The following ZNF621 variants were observed in gnomAD, a reference collection of about 807,000 sequenced individuals.
The protein encoded by ZNF621 is zinc finger protein 621.
In ZNF621, 6 loss-of-function variants were observed where a neutral mutation model predicts 12.7. The observed-to-expected ratio is 0.47, with a 90% CI of 0.26 to 0.93. ZNF621 has a LOEUF of 0.93. Ranked by LOEUF, ZNF621 falls within the 40% of genes least tolerant of loss-of-function variation. ZNF621 has a pLI of 0.15. For synonymous variants in ZNF621, 156 were observed against 190.3 expected (o/e 0.82, Z 1.48); for missense variants, 474 against 524.0 (o/e 0.90, Z 0.93).
Position 40,532,655 on chromosome 3 carries a change from G to T in ZNF621, c.885G>T (p.Glu295Asp). Residue 295 changes from glutamate to aspartate, a missense_variant, in exon 5 of 5, where the codon GAG becomes GAT. By Grantham distance (45) the Glu-to-Asp change is conservative. Coordinates refer to ENST00000339296, the MANE Select transcript of ZNF621 (RefSeq NM_198484.5). Reference sequence around the variant, plus strand: ...GGGAGAAACCTTATCAATGTAAGGAGTGTGGCAAAGCCTTCACCCAGAAAA... The same window carrying T: ...GGGAGAAACCTTATCAATGTAAGGATTGTGGCAAAGCCTTCACCCAGAAAA... ...HTGEKPYQCK[E>D]CGKAFTQKIA... 6.2e-7 allele frequency: 1 copy of T among 1,614,194 alleles called. No homozygotes were observed. Among genetic ancestry groups the T allele is most frequent in the Non-Finnish European group, 8.5e-7 (1 of 1,180,038 alleles).
rs1187704323 is a variant in ZNF621, at chr3:40,537,564, C to T, written c.*4474C>T. The stretch of plus-strand genomic sequence containing the variant: ...ACTGCAGTGAGCTATGATTGTGCCA[C>T]TGCACTCTAGCCTGTGTGACAGAAT... On this transcript the variant is annotated 3_prime_UTR_variant, in exon 5 of 5. Transcript: ENST00000339296. 6.6e-6 allele frequency: 1 copy of T among 152,522 alleles called. No individual in the cohort carries two copies. Among genetic ancestry groups the T allele is most frequent in the African/African-American group, 2.4e-5 (1 of 41,460 alleles). 9.4% of individuals were successfully genotyped at this position (152,522 alleles called of 1,614,324 possible).
chr3:40,536,496 C>T lies in ZNF621; in HGVS notation c.*3406C>T, dbSNP rs1182256298. 6.6e-6 allele frequency: 1 copy of T among 152,174 alleles called. No individual in the cohort carries two copies. The highest frequency in any genetic ancestry group is 2.4e-5 in the African/African-American group (1 of 41,444). 9.4% of individuals were successfully genotyped at this position (152,174 alleles called of 1,614,324 possible). ...CATAGAGAGGTAAGCATTAGTGGCA[C>T]AGCTGAGAAAATATAAAAGGTAGTT... On this transcript the variant is annotated 3_prime_UTR_variant, in exon 5 of 5. Transcript: ENST00000339296.
chr3:40,532,474 A>G lies in ZNF621; in HGVS notation c.704A>G (p.Tyr235Cys), dbSNP rs776352705. The change falls in exon 5 of 5, where the codon TAT becomes TGT. Residue 235 changes from tyrosine to cysteine, a missense_variant. By Grantham distance (194) the Tyr-to-Cys change is radical. Coordinates refer to ENST00000339296, the MANE Select transcript of ZNF621 (RefSeq NM_198484.5). ...AGGATCCACACTGGAGAGAAACCCT[A>G]TGAATGTAAAGAGTGTGGAAAGGCT... ...HQRIHTGEKP[Y>C]ECKECGKAFR... 8.1e-6 allele frequency: 13 copies of G among 1,614,084 alleles called. No homozygotes were observed. The African/African-American group carries it at 1.3e-4, about 17-fold the overall frequency.
Position 40,537,227 on chromosome 3 carries a change from T to G in ZNF621, c.*4137T>G, listed in dbSNP as rs1698890334. The G allele has an allele frequency of 6.6e-6, 1 of 152,256 alleles. No individual in the cohort carries two copies. Among genetic ancestry groups the G allele is most frequent in the African/African-American group, 2.4e-5 (1 of 41,464 alleles). 9.4% of individuals were successfully genotyped at this position (152,256 alleles called of 1,614,324 possible). ...TGAGATAGGCCAAAAGCTAGACTGC[T>G]TCTGCCAAACAGTCAAGTTGTGAAT... is the stretch of plus-strand genomic sequence containing the variant. On this transcript the variant is annotated 3_prime_UTR_variant, in exon 5 of 5. Coordinates refer to ENST00000339296, the MANE Select transcript of ZNF621 (RefSeq NM_198484.5).
At position 40,532,479 on chromosome 3, in the gene ZNF621, T is replaced by A. The variant is rs1347555062; in HGVS notation, c.709T>A (p.Cys237Ser). Residue 237 changes from cysteine to serine, a missense_variant, in exon 5 of 5, where the codon TGT becomes AGT. Coordinates refer to ENST00000339296, the MANE Select transcript of ZNF621 (RefSeq NM_198484.5). Reference protein sequence around the residue: ...RIHTGEKPYECKECGKAFRRS... With the variant: ...RIHTGEKPYESKECGKAFRRS... ...CCACACTGGAGAGAAACCCTATGAA[T>A]GTAAAGAGTGTGGAAAGGCTTTCCG... 1 of 1,614,114 alleles carries A rather than the reference T, an allele frequency of 6.2e-7. No individual in the cohort carries two copies. The highest frequency in any genetic ancestry group is 2.2e-5 in the East Asian group (1 of 44,880).
rs756218630 is a variant in ZNF621 at position 40,529,349 on chromosome 3, T to C, written c.55T>C (p.Tyr19His). Residue 19 changes from tyrosine to histidine, a missense_variant, in exon 3 of 5, where the codon TAC becomes CAC. Physicochemically the swap from Tyr to His is moderately conservative, Grantham distance 83. Transcript: ENST00000339296. ...AGTGACCTTTGAGGATGTGGCTGTT[T>C]ACTTCACCCAGAATCAATGGGCCAG... ...ESVTFEDVAV[Y>H]FTQNQWASLD... 2 of 1,613,826 alleles carry C rather than the reference T, an allele frequency of 1.2e-6. No individual in the cohort carries two copies. Among genetic ancestry groups the C allele is most frequent in the Non-Finnish European group, 1.7e-6 (2 of 1,179,786 alleles).
In ZNF621 at chr3:40,525,816, T is replaced by C; in HGVS notation, c.-25T>C. The C allele has an allele frequency of 6.2e-7, 1 of 1,614,170 alleles. No individual in the cohort carries two copies. Among genetic ancestry groups the C allele is most frequent in the South Asian group, 1.1e-5 (1 of 91,080 alleles). ...TTGCTTGTCCAAACCCAGAAGACAGTGCATGAAGCCAGGGGACATCCGCCA... is the reference window on the plus strand; with the variant it reads ...TTGCTTGTCCAAACCCAGAAGACAGCGCATGAAGCCAGGGGACATCCGCCA... On this transcript the variant is annotated 5_prime_UTR_variant, in exon 2 of 5. Coordinates refer to ENST00000339296, the MANE Select transcript of ZNF621 (RefSeq NM_198484.5).
chr3:40,533,365 A>G lies in ZNF621; in HGVS notation c.*275A>G, dbSNP rs1040241124. 2.2e-5 allele frequency: 9 copies of G among 406,318 alleles called. No homozygotes were observed. Among genetic ancestry groups the G allele is most frequent in the African/African-American group, 1.8e-4 (9 of 49,836 alleles). The allele number at this position is 406,318 out of a possible 1,614,324, so 25.2% of individuals were successfully genotyped here. Reference sequence around the variant, plus strand: ...CATCTTGGCCAGGCTGGTCTCAAACACCTGACCTCAAGTGATCCGCCTGCC... The same window carrying G: ...CATCTTGGCCAGGCTGGTCTCAAACGCCTGACCTCAAGTGATCCGCCTGCC... On this transcript the variant is annotated 3_prime_UTR_variant, in exon 5 of 5. Coordinates refer to ENST00000339296, the MANE Select transcript of ZNF621 (RefSeq NM_198484.5).
Position 40,531,857 on chromosome 3 carries a change from C to T in ZNF621, c.260-173C>T, listed in dbSNP as rs567558113. 1.7e-4 allele frequency among the ~76,000 whole-genome samples: 26 copies of T among 152,334 alleles called. 1 individual carries two copies. Among genetic ancestry groups the T allele is most frequent in the African/African-American group, 6.3e-4 (26 of 41,578 alleles). ...AACATTACAGGCATGAGCCACCACA[C>T]CTGGCCTGTCATTATTTTTCTTTGT... On this transcript the variant is annotated intron_variant, in intron 4 of 4. Transcript: ENST00000339296.
intron 4 of ZNF621, among the ~76,000 whole-genome samples, chr3:40,531,647 C>T (rs920023834): frequency 5.3e-5 from 8 of 152,210 alleles, no homozygotes; most frequent in Non-Finnish European, 8.8e-5. Flanking sequence ...ACTGCAACCT[C>T]TGCCTCCCGG....
At chr3:40,523,747 C>A (rs1425688478), upstream of ZNF621, among the ~76,000 whole-genome samples, 1 of 147,700 alleles carries the variant, frequency 6.8e-6, no homozygotes, top group African/African-American at 2.5e-5. Context: ...GCCTGGGCGA[C>A]AGAGCGAGAC....
chr3:40,530,390 G>A, intron 4 of ZNF621, 74 bp downstream of exon 4: 1 of 1,191,438 alleles, frequency 8.4e-7, no homozygotes, highest in Non-Finnish European at 1.2e-6. Context: ...TGTTTCTTAT[G>A]CTGCAGGGTA....
rs1216984935 is a variant in ZNF621, at chr3:40,535,342, G to T, written c.*2252G>T. The T allele has an allele frequency of 6.6e-6, 1 of 152,260 alleles. No individual in the cohort carries two copies. Among genetic ancestry groups the T allele is most frequent in the Non-Finnish European group, 1.5e-5 (1 of 68,060 alleles). The allele number at this position is 152,260 out of a possible 1,614,324, so 9.4% of individuals were successfully genotyped here. On this transcript the variant is annotated 3_prime_UTR_variant, in exon 5 of 5. Transcript: ENST00000339296. ...GTTCCTCATTCCGTGTCAGTGATCA[G>T]CAGTAGACTGAAGAATCTACCTTAG...
rs1030353850 is a variant in ZNF621 at position 40,535,793 on chromosome 3, T to G, written c.*2703T>G. ...GCAGCTGTAAAATATCAGATACCCA[T>G]TATAGGCATTGAAGGTTACCTAAAT... On this transcript the variant is annotated 3_prime_UTR_variant, in exon 5 of 5. Transcript: ENST00000339296. 3.9e-5 allele frequency: 6 copies of G among 152,126 alleles called. No homozygotes were observed. The highest frequency in any genetic ancestry group is 1.2e-4 in the African/African-American group (5 of 41,424). 9.4% of individuals were successfully genotyped at this position (152,126 alleles called of 1,614,324 possible).
rs1319578663 is a variant in ZNF621, at chr3:40,533,190, G to C, written c.*100G>C. 4.7e-5 allele frequency: 69 copies of C among 1,463,672 alleles called. No homozygotes were observed. The highest frequency in any genetic ancestry group is 5.9e-5 in the Non-Finnish European group (66 of 1,109,872). The allele number at this position is 1,463,672 out of a possible 1,614,324, so 90.7% of individuals were successfully genotyped here. A position where few individuals can be genotyped will look rare whatever the true frequency, so the allele number is the denominator to read the frequency against. On this transcript the variant is annotated 3_prime_UTR_variant, in exon 5 of 5. Transcript: ENST00000339296. ...GGGTCTTGCTCTGTCACCCAGGCTA[G>C]AGTGCGGTGGTGTGATCTTGGCTCA... is the stretch of plus-strand genomic sequence containing the variant.
chr3:40,528,922 CT>C (rs774112701), intron 2 of ZNF621, among the ~76,000 whole-genome samples: 4 of 152,172 alleles, frequency 2.6e-5, no homozygotes, highest in Admixed American at 6.5e-5. Context: ...TTCTCCTAGA[CT>C]TTAGCATGTC....
Position 40,533,008 on chromosome 3 carries a change from A to G in ZNF621, c.1238A>G (p.Gln413Arg), listed in dbSNP as rs974922739. The G allele has an allele frequency of 2.1e-5, 32 of 1,551,630 alleles. No homozygotes were observed. The Admixed American group carries it at 6.3e-4, about 30-fold the overall frequency. The change falls in exon 5 of 5, where the codon CAA (glutamine) becomes CGA (arginine). Residue 413 changes from glutamine (Q) to arginine (R), a missense_variant. Coordinates refer to ENST00000339296, the MANE Select transcript of ZNF621 (RefSeq NM_198484.5). ...PTSGIPSSSAQIVRVFQGLTP... is the reference protein window; with the variant it reads ...PTSGIPSSSARIVRVFQGLTP... ...TCTGGAATACCTTCTTCATCTGCCC[A>G]AATAGTGCGTGTCTTCCAGGGTCTT...
upstream of ZNF621, among the ~76,000 whole-genome samples, chr3:40,524,631 G>T (rs1559555496): frequency 1.3e-5 from 2 of 152,204 alleles, no homozygotes; most frequent in African/African-American, 4.8e-5. Flanking sequence ...CAGGCTTCAG[G>T]TGAGCCACGG....
At position 40,532,252 on chromosome 3, in the gene ZNF621, G is replaced by A. The variant is rs150435196; in HGVS notation, c.482G>A (p.Arg161Gln). The change falls in exon 5 of 5, where the codon CGA (arginine) becomes CAA (glutamine). Residue 161 changes from arginine to glutamine, a missense_variant. Coordinates refer to ENST00000339296, the MANE Select transcript of ZNF621 (RefSeq NM_198484.5). ...TGTAAAGAATGTGGGAAAATCTTCC[G>A]ATATAACTCAAAGCTTATTCGGCAT... ...YECKECGKIF[R>Q]YNSKLIRHQM... is the part of the protein sequence containing the mutation. The A allele has an allele frequency of 1.4e-4, 218 of 1,613,862 alleles. No individual in the cohort carries two copies. The highest frequency in any genetic ancestry group is 1.8e-4 in the Non-Finnish European group (208 of 1,180,044).
Sources: gnomAD v4.1 joint callset for allele counts (sites outside exome capture counted in the v4.1 genomes callset) on GRCh38, gnomAD v4.1.1 for gene constraint, MANE v1.5 for transcripts, NCBI Gene and HGNC (gene_info 2026-07-23, HGNC 2026-07-21) for gene names.